The following ADAMTSL1 variants were observed in gnomAD, a reference collection of about 807,000 sequenced individuals.
ADAMTSL1 encodes the protein ADAMTS-like protein 1.
A neutral mutation model predicts 201.8 loss-of-function variants in ADAMTSL1; 126 were observed. The observed-to-expected ratio is 0.62, with a 90% confidence interval of 0.54 to 0.72. The LOEUF is 0.72. Ranked by LOEUF, ADAMTSL1 falls within the 30% of genes least tolerant of loss-of-function variation. ADAMTSL1 has a pLI of 0.00. For synonymous variants in ADAMTSL1, 1,121 were observed against 903.4 expected, an observed-to-expected ratio of 1.24 and a Z score of -4.32; for missense variants, 2,679 against 2,277.8, an observed-to-expected ratio of 1.18 and a Z score of -3.59.
intron 2 of ADAMTSL1, among the ~76,000 whole-genome samples, chr9:18,357,813 C>T (rs1206592242): frequency 2.6e-5 from 4 of 152,062 alleles, no homozygotes; most frequent in African/African-American, 9.7e-5. Context: ...TATGCAGCCT[C>T]CATCTCTATA....
intron 1 of ADAMTSL1, among the ~76,000 whole-genome samples, chr9:17,983,943 A>C (rs760989133): frequency 2.6e-5 from 4 of 152,210 alleles, no homozygotes; most frequent in Non-Finnish European, 4.4e-5. Flanking sequence ...TTTAAAAAAT[A>C]CATTACTTGG....
chr9:18,337,217 G>C (rs943304892), intron 2 of ADAMTSL1, among the ~76,000 whole-genome samples: 1 of 152,140 alleles, frequency 6.6e-6, no homozygotes, highest in African/African-American at 2.4e-5. Flanking sequence ...GAGTCTTCCA[G>C]CCTTCATCCT....
At chr9:18,848,445 C>A (rs1826272715) in intron 23 of ADAMTSL1, among the ~76,000 whole-genome samples, 1 of 152,196 alleles carries the variant, frequency 6.6e-6, no homozygotes, top group South Asian at 2.1e-4. Flanking sequence ...GCCTTTACAT[C>A]CATCCTTCCA....
chr9:18,030,234 C>G (rs1820888303), intron 1 of ADAMTSL1, among the ~76,000 whole-genome samples: 1 of 152,150 alleles, frequency 6.6e-6, no homozygotes, highest in African/African-American at 2.4e-5. Context: ...ATGATGAGTT[C>G]TTGTCCTTTG....
chr9:17,977,076 ATAATCT>A (rs1369729292), intron 1 of ADAMTSL1, among the ~76,000 whole-genome samples: 1 of 152,042 alleles, frequency 6.6e-6, no homozygotes, highest in African/African-American at 2.4e-5. Context: ...TCTTTATTGA[ATAATCT>A]TATGATCTTT....
At chr9:18,697,320 A>T (rs1053339003) in intron 13 of ADAMTSL1, among the ~76,000 whole-genome samples, 2 of 152,216 alleles carry the variant, frequency 1.3e-5, no homozygotes, top group East Asian at 3.8e-4. Flanking sequence ...AGAAAAATAC[A>T]TATATTATTA....
At chr9:18,455,064 TA>T (rs1291379997) in intron 2 of ADAMTSL1, among the ~76,000 whole-genome samples, 2 of 152,216 alleles carry the variant, frequency 1.3e-5, no homozygotes, top group Non-Finnish European at 2.9e-5. Flanking sequence ...TTATGATTTT[TA>T]CTATACTACT....
intron 4 of ADAMTSL1, among the ~76,000 whole-genome samples, chr9:18,582,729 G>C (rs935138262): frequency 2.0e-5 from 3 of 151,754 alleles, no homozygotes; most frequent in African/African-American, 7.3e-5. Context: ...GGCACCTGTA[G>C]TCCCAGCTTC....
At chr9:18,413,097 C>A (rs1192535114) in intron 2 of ADAMTSL1, among the ~76,000 whole-genome samples, 1 of 150,768 alleles carries the variant, frequency 6.6e-6, no homozygotes, top group East Asian at 2.0e-4. Context: ...AGAAGAATTA[C>A]CTGTTTCTTC....
intron 2 of ADAMTSL1, among the ~76,000 whole-genome samples, chr9:18,376,458 C>A (rs536283773): frequency 2.0e-5 from 3 of 152,216 alleles, no homozygotes; most frequent in South Asian, 4.1e-4. Context: ...GAAGAAGAAA[C>A]AGAATTGCAA....
At chr9:18,679,053 G>T in intron 10 of ADAMTSL1, among the ~76,000 whole-genome samples, 1 of 152,044 alleles carries the variant, frequency 6.6e-6, no homozygotes, top group African/African-American at 2.4e-5. Flanking sequence ...GATAACAGTT[G>T]TTGCCTAAAC....
chr9:18,593,199 C>A (rs1325146859), intron 4 of ADAMTSL1, among the ~76,000 whole-genome samples: 1 of 152,002 alleles, frequency 6.6e-6, no homozygotes, highest in African/African-American at 2.4e-5. Context: ...AATTTGGAAA[C>A]CCTTTATTTC....
chr9:18,705,191 A>G (rs1450087671), intron 13 of ADAMTSL1, among the ~76,000 whole-genome samples: 2 of 152,370 alleles, frequency 1.3e-5, no homozygotes, highest in East Asian at 3.9e-4. Flanking sequence ...ATTTAATGCT[A>G]TAACCTTCTT....
chr9:17,950,292 A>G (rs907991675), intron 1 of ADAMTSL1, among the ~76,000 whole-genome samples: 4 of 152,110 alleles, frequency 2.6e-5, no homozygotes, highest in African/African-American at 9.7e-5. Context: ...ACAGTGCAAT[A>G]GTACTAGAAA....
At chr9:18,184,260 G>C (rs1033259697) in intron 2 of ADAMTSL1, among the ~76,000 whole-genome samples, 4 of 152,180 alleles carry the variant, frequency 2.6e-5, no homozygotes, top group Non-Finnish European at 5.9e-5. Flanking sequence ...TATAACCTCT[G>C]CCTCGTGTAC....
intron 2 of ADAMTSL1, among the ~76,000 whole-genome samples, chr9:18,408,143 G>A (rs1818281318): frequency 6.6e-6 from 1 of 152,158 alleles, no homozygotes; most frequent in African/African-American, 2.4e-5. Flanking sequence ...AGTTCAAGCT[G>A]AGAGGAACAG....
chr9:18,070,460 G>C (rs555518212), intron 1 of ADAMTSL1, among the ~76,000 whole-genome samples: 1 of 152,180 alleles, frequency 6.6e-6, no homozygotes, highest in African/African-American at 2.4e-5. Flanking sequence ...ATGTGAAATT[G>C]AAGAAATGAG....
chr9:18,527,071 A>G (rs1819116727), intron 2 of ADAMTSL1, among the ~76,000 whole-genome samples: 1 of 152,170 alleles, frequency 6.6e-6, no homozygotes, highest in Non-Finnish European at 1.5e-5. Flanking sequence ...ACAGTGAGCT[A>G]TGATAGTGCC....
At chr9:18,514,327 CTTTTTTTTTT>C (rs397963773) in intron 2 of ADAMTSL1, among the ~76,000 whole-genome samples, 5 of 100,094 alleles carry the variant, frequency 5.0e-5, no homozygotes, top group South Asian at 3.4e-4. Flanking sequence ...ATTTTTCTTT[CTTTTTTTTTT>C]TTTTTTTTTT....
Sources: allele counts gnomAD v4.1 joint callset (sites outside exome capture counted in the v4.1 genomes callset), GRCh38; gene constraint gnomAD v4.1.1; transcripts MANE v1.5; gene names NCBI Gene and HGNC (gene_info 2026-07-23, HGNC 2026-07-21).